The following ZNF385B variants were observed in gnomAD, a reference collection of about 807,000 sequenced individuals.
ZNF385B encodes the protein zinc finger protein 385B.
A neutral mutation model predicts 39.2 loss-of-function variants in ZNF385B; 23 were observed. That is an observed-to-expected ratio of 0.59 (90% CI 0.42 to 0.83). The LOEUF is 0.83. Among genes scored for constraint, ZNF385B ranks in the 40% least tolerant of loss-of-function variants. The pLI, the probability that ZNF385B is intolerant of heterozygous loss-of-function variation, is 0.00. For missense variants in ZNF385B, 552 were observed against 598.9 expected, an observed-to-expected ratio of 0.92 and a Z score of 0.82; for synonymous variants, 205 against 222.6, an observed-to-expected ratio of 0.92 and a Z score of 0.70.
chr2:179,594,415 A>T (rs1199448590), intron 3 of ZNF385B, among the ~76,000 whole-genome samples: 2 of 152,186 alleles, frequency 1.3e-5, no homozygotes, highest in Non-Finnish European at 2.9e-5. Context: ...TACACTTTAT[A>T]ATATACCTAC....
intron 1 of ZNF385B, among the ~76,000 whole-genome samples, chr2:179,854,096 G>A (rs892225557): frequency 1.3e-5 from 2 of 152,104 alleles, no homozygotes; most frequent in African/African-American, 4.8e-5. Flanking sequence ...ATGTGTATCT[G>A]TATACAAACA....
intron 5 of ZNF385B, among the ~76,000 whole-genome samples, chr2:179,492,108 CT>C (rs2055300602): frequency 1.3e-5 from 2 of 152,286 alleles, no homozygotes; most frequent in South Asian, 4.1e-4. Flanking sequence ...GCCCATCTCC[CT>C]CAAATTAATT....
At chr2:179,853,533 A>G (rs1292775892) in intron 1 of ZNF385B, among the ~76,000 whole-genome samples, 1 of 152,230 alleles carries the variant, frequency 6.6e-6, no homozygotes, top group East Asian at 1.9e-4. Context: ...TAAAGTAAAC[A>G]AGGAAAGGCA....
At chr2:179,811,155 C>T (rs1454557086) in intron 1 of ZNF385B, among the ~76,000 whole-genome samples, 1 of 151,874 alleles carries the variant, frequency 6.6e-6, no homozygotes, top group African/African-American at 2.4e-5. Context: ...TGAAAGAAAT[C>T]AGAGATGGTA....
intron 3 of ZNF385B, among the ~76,000 whole-genome samples, chr2:179,580,065 C>A (rs1004820070): frequency 6.6e-6 from 1 of 152,050 alleles, no homozygotes; most frequent in Non-Finnish European, 1.5e-5. Flanking sequence ...AGTCCTAAGA[C>A]CTTAGAGAAA....
chr2:179,577,264 CA>C (rs1191745761), intron 3 of ZNF385B, among the ~76,000 whole-genome samples: 1 of 151,870 alleles, frequency 6.6e-6, no homozygotes, highest in African/African-American at 2.4e-5. Flanking sequence ...GGGAATAAGC[CA>C]AAACTATTTT....
rs749634491 is a variant in ZNF385B at position 179,699,092 on chromosome 2, G to A, written c.298+70411C>T. On this transcript the variant is annotated intron_variant, in intron 3 of 9. Coordinates refer to ENST00000410066, the MANE Select transcript of ZNF385B (RefSeq NM_152520.6). ...ATAAATATGCTGGAAAGCTCTTTGG[G>A]AGACAATTAAAAATTTTGTGTTAAA... Among the ~76,000 whole-genome samples, 140 of 135,492 alleles carry A rather than the reference G, an allele frequency of 1.0e-3. 1 individual carries two copies. Among genetic ancestry groups the A allele is most frequent in the Non-Finnish European group, 1.5e-3 (97 of 64,330 alleles). The allele number at this position is 135,492 out of a possible 152,430, so 88.9% of individuals were successfully genotyped here.
At chr2:179,692,152 C>T (rs531937595) in intron 3 of ZNF385B, among the ~76,000 whole-genome samples, 1 of 152,082 alleles carries the variant, frequency 6.6e-6, no homozygotes, top group Non-Finnish European at 1.5e-5. Context: ...TCCCTTCTTA[C>T]CCCTCTACCC....
At chr2:179,699,738 T>G (rs1329874606) in intron 3 of ZNF385B, among the ~76,000 whole-genome samples, 1 of 152,132 alleles carries the variant, frequency 6.6e-6, no homozygotes, top group Non-Finnish European at 1.5e-5. Context: ...TTTATATGAG[T>G]TCATCTATAC....
At chr2:179,470,064 T>C (rs1179689809) in intron 6 of ZNF385B, among the ~76,000 whole-genome samples, 1 of 152,206 alleles carries the variant, frequency 6.6e-6, no homozygotes, top group East Asian at 1.9e-4. Context: ...GGTCTTTCCC[T>C]GGCCTCCCTG....
At chr2:179,606,920 C>T (rs982386810) in intron 3 of ZNF385B, among the ~76,000 whole-genome samples, 1 of 152,108 alleles carries the variant, frequency 6.6e-6, no homozygotes, top group Non-Finnish European at 1.5e-5. Context: ...GGAGGGCACA[C>T]ACCTTGGGGA....
intron 3 of ZNF385B, among the ~76,000 whole-genome samples, chr2:179,734,903 C>G (rs968204394): frequency 6.6e-6 from 1 of 152,032 alleles, no homozygotes; most frequent in Non-Finnish European, 1.5e-5. Flanking sequence ...AAGACTTAAA[C>G]GTCAGACCTA....
chr2:179,616,721 G>A (rs375186541), intron 3 of ZNF385B, among the ~76,000 whole-genome samples: 7 of 152,092 alleles, frequency 4.6e-5, no homozygotes, highest in East Asian at 1.9e-4. Flanking sequence ...TGCCAGGCCC[G>A]GCTAATTTTT....
intron 3 of ZNF385B, among the ~76,000 whole-genome samples, chr2:179,709,367 C>G (rs1331184351): frequency 6.6e-6 from 1 of 152,208 alleles, no homozygotes; most frequent in Non-Finnish European, 1.5e-5. Context: ...CTTTAAGGGA[C>G]TCACCAGGTG....
At chr2:179,497,102 C>T (rs1292075003) in intron 5 of ZNF385B, among the ~76,000 whole-genome samples, 6 of 152,164 alleles carry the variant, frequency 3.9e-5, no homozygotes, top group African/African-American at 1.4e-4. Flanking sequence ...CCCAGACAAA[C>T]AAAAGCTGAG....
intron 3 of ZNF385B, among the ~76,000 whole-genome samples, chr2:179,657,821 C>A (rs573858953): frequency 6.6e-6 from 1 of 152,266 alleles, no homozygotes; most frequent in South Asian, 2.1e-4. Context: ...TTACAGCAAT[C>A]TTTAATATTG....
intron 3 of ZNF385B, among the ~76,000 whole-genome samples, chr2:179,724,170 A>G (rs1700862811): frequency 6.6e-6 from 1 of 152,060 alleles, no homozygotes; most frequent in Non-Finnish European, 1.5e-5. Context: ...TTCACCGGGC[A>G]TGGTGGCGGG....
At chr2:179,837,386 A>C (rs1708310967) in intron 1 of ZNF385B, among the ~76,000 whole-genome samples, 1 of 152,190 alleles carries the variant, frequency 6.6e-6, no homozygotes. Flanking sequence ...TTGTGTTCTC[A>C]TTTCAGATTG....
At chr2:179,743,119 C>A (rs374505983) in intron 3 of ZNF385B, among the ~76,000 whole-genome samples, 1 of 152,086 alleles carries the variant, frequency 6.6e-6, no homozygotes, top group African/African-American at 2.4e-5. Context: ...ATTTATTAAA[C>A]ATGTTATATC....
Sources: gnomAD v4.1 joint callset for allele counts (sites outside exome capture counted in the v4.1 genomes callset) on GRCh38, gnomAD v4.1.1 for gene constraint, MANE v1.5 for transcripts, NCBI Gene and HGNC (gene_info 2026-07-23, HGNC 2026-07-21) for gene names.